The following DPP6 variants were observed in gnomAD, a reference collection of about 807,000 sequenced individuals.
The protein encoded by DPP6 is dipeptidyl peptidase like 6, also known as A-type potassium channel modulatory protein DPP6.
A neutral mutation model predicts 122.6 loss-of-function variants in DPP6; 69 were observed. The observed-to-expected ratio is 0.56, with a 90% CI of 0.46 to 0.69. The LOEUF is 0.69. DPP6 is among the 30% of genes least tolerant of loss of function. The pLI is 0.00. For missense variants in DPP6, 928 were observed against 1,116.9 expected (o/e 0.83, Z 2.41); for synonymous variants, 418 against 433.1 (o/e 0.97, Z 0.43).
At chr7:153,833,333 C>T in the DPP6 span, among the ~76,000 whole-genome samples, 4 of 152,154 alleles carry the variant, frequency 2.6e-5, no homozygotes, top group African/African-American at 9.7e-5. Flanking sequence ...TAGGCATAAG[C>T]ATGATTTACA....
the DPP6 span, among the ~76,000 whole-genome samples, chr7:153,796,622 C>T: frequency 1.3e-5 from 2 of 152,102 alleles, no homozygotes; most frequent in African/African-American, 4.8e-5. Flanking sequence ...ATAATTTGTG[C>T]TAAAAATATA....
the DPP6 span, among the ~76,000 whole-genome samples, chr7:153,789,841 G>A: frequency 4.6e-5 from 7 of 152,110 alleles, no homozygotes; most frequent in Admixed American, 4.6e-4. Flanking sequence ...TTAAAAGGAC[G>A]GGTGTACATT....
At chr7:153,983,942 C>T (rs1441581904) in intron 1 of DPP6, among the ~76,000 whole-genome samples, 2 of 152,112 alleles carry the variant, frequency 1.3e-5, no homozygotes, top group Admixed American at 1.3e-4. Context: ...AATCACCCAC[C>T]TTCTGCATTG....
chr7:154,090,448 A>G (rs965945894), intron 1 of DPP6, among the ~76,000 whole-genome samples: 4 of 152,234 alleles, frequency 2.6e-5, no homozygotes, highest in Non-Finnish European at 5.9e-5. Context: ...GGATATGCCT[A>G]TTGAGAAGTA....
At chr7:153,894,866 A>G (rs1365568827) in intron 1 of DPP6, among the ~76,000 whole-genome samples, 1 of 152,204 alleles carries the variant, frequency 6.6e-6, no homozygotes, top group African/African-American at 2.4e-5. Flanking sequence ...AAATAATTAT[A>G]ACATTTATAA....
chr7:154,286,577 G>A (rs556367895), intron 1 of DPP6, among the ~76,000 whole-genome samples: 120 of 152,280 alleles, frequency 7.9e-4, no homozygotes, highest in Admixed American at 2.1e-3. Context: ...TTAATGCAAA[G>A]CTTTCCAAAT....
chr7:154,267,374 T>C (rs1040961701), intron 1 of DPP6, among the ~76,000 whole-genome samples: 1 of 108,722 alleles, frequency 9.2e-6, no homozygotes, highest in Non-Finnish European at 1.9e-5. Flanking sequence ...ACAAATTATA[T>C]ATATATTTAT....
chr7:154,565,608 C>A (rs1219747785), intron 4 of DPP6, among the ~76,000 whole-genome samples: 1 of 152,142 alleles, frequency 6.6e-6, no homozygotes, highest in Non-Finnish European at 1.5e-5. Context: ...CCGCCACAAC[C>A]TCTGCCGTCC....
rs188681498 is a variant in DPP6 at position 154,212,282 on chromosome 7, T to C, written c.243+159219T>C. Among the ~76,000 whole-genome samples, 624 of 152,348 alleles carry C rather than the reference T, an allele frequency of 4.1e-3. 4 individuals are homozygous for C. The highest frequency in any genetic ancestry group is 7.1e-3 in the Non-Finnish European group (486 of 68,038). ...TTCCCCAGGCGCTTTCAACTTCTTA[T>C]ACCTTAAAAGAAATACCAAATGCAT... On this transcript the variant is annotated intron_variant, in intron 1 of 25. Transcript: ENST00000377770.
intron 1 of DPP6, chr7:154,059,028 A>AT (rs1801257181): frequency 1.6e-5 from 2 of 128,084 alleles, no homozygotes; most frequent in African/African-American, 3.2e-5. Flanking sequence ...CCCATCGCAG[A>AT]GGGGGGAGGG....
intron 3 of DPP6, among the ~76,000 whole-genome samples, chr7:154,505,921 G>T (rs886895513): frequency 3.3e-5 from 5 of 152,040 alleles, no homozygotes; most frequent in African/African-American, 1.2e-4. Flanking sequence ...TGAGAGCAGG[G>T]TATCTGTAGA....
intron 1 of DPP6, among the ~76,000 whole-genome samples, chr7:154,354,728 C>G (rs548995992): frequency 6.6e-6 from 1 of 152,198 alleles, no homozygotes; most frequent in Non-Finnish European, 1.5e-5. Flanking sequence ...GTTCACTCTT[C>G]GCATTTCTGT....
chr7:153,918,464 ACACTCTCTCTCT>A (rs1306473261), intron 1 of DPP6, among the ~76,000 whole-genome samples: 4 of 85,272 alleles, frequency 4.7e-5, no homozygotes, highest in African/African-American at 1.6e-4. Context: ...ACACACACAC[ACACTCTCTCTCT>A]CTCTCTCTCT....
intron 1 of DPP6, among the ~76,000 whole-genome samples, chr7:154,443,196 G>C (rs1819531027): frequency 6.6e-6 from 1 of 152,172 alleles, no homozygotes; most frequent in South Asian, 2.1e-4. Flanking sequence ...CAGCTCTGCA[G>C]ATTCCTTCAG....
chr7:154,033,275 C>T (rs1422206106), intron 1 of DPP6, among the ~76,000 whole-genome samples: 2 of 152,178 alleles, frequency 1.3e-5, no homozygotes, highest in Non-Finnish European at 2.9e-5. Context: ...TGGCTTATGT[C>T]TGCTTTGTCC....
At chr7:153,785,249 T>G in the DPP6 span, among the ~76,000 whole-genome samples, 1 of 152,172 alleles carries the variant, frequency 6.6e-6, no homozygotes, top group Non-Finnish European at 1.5e-5. Flanking sequence ...CGTTCTGCTC[T>G]GCTCCCTTTT....
At chr7:154,887,621 G>A (rs1806266251) in intron 22 of DPP6, 55 bp from the exon 23 acceptor site, 9 of 1,595,580 alleles carry the variant, frequency 5.6e-6, no homozygotes, top group South Asian at 3.3e-5. Context: ...TTTGGGGGCT[G>A]CGCTCACAGG....
intron 1 of DPP6, among the ~76,000 whole-genome samples, chr7:153,923,451 T>C (rs962031681): frequency 6.6e-6 from 1 of 152,022 alleles, no homozygotes; most frequent in African/African-American, 2.4e-5. Context: ...AAGGAGGCAG[T>C]GTTCATGAAT....
At chr7:153,836,265 T>G in the DPP6 span, among the ~76,000 whole-genome samples, 1 of 152,108 alleles carries the variant, frequency 6.6e-6, no homozygotes, top group Non-Finnish European at 1.5e-5. Context: ...TTTTCACAAT[T>G]TATCGCGTTT....
Sources: allele counts gnomAD v4.1 joint callset (sites outside exome capture counted in the v4.1 genomes callset), GRCh38; gene constraint gnomAD v4.1.1; transcripts MANE v1.5; gene names NCBI Gene and HGNC (gene_info 2026-07-23, HGNC 2026-07-21).